Variants in STOX1 observed in about 807,000 individuals in gnomAD.
The protein encoded by STOX1 is storkhead-box protein 1.
STOX1 carries 57 observed loss-of-function variants against 74.8 expected under a neutral mutation model. The ratio of observed to expected loss-of-function variants is 0.76; its 90% CI spans 0.62 to 0.95. The LOEUF is 0.95. Among genes scored for constraint, STOX1 ranks in the 40% least tolerant of loss-of-function variants. The pLI, the probability that STOX1 is intolerant of heterozygous loss-of-function variation, is 0.00. For missense variants in STOX1, 1,010 were observed against 1,117.0 expected (o/e 0.90, Z 1.37); for synonymous variants, 375 against 401.3 (o/e 0.93, Z 0.78).
intron 1 of STOX1, among the ~76,000 whole-genome samples, chr10:68,866,113 G>C (rs972595099): frequency 6.6e-6 from 1 of 151,948 alleles, no homozygotes; most frequent in Non-Finnish European, 1.5e-5. Context: ...AATTGCTCAG[G>C]AATTAAAACT....
chr10:68,843,195 C>T (rs1217822642), intron 1 of STOX1, among the ~76,000 whole-genome samples: 1 of 152,146 alleles, frequency 6.6e-6, no homozygotes, highest in Non-Finnish European at 1.5e-5. Context: ...TGGGCCACCA[C>T]ACCAGCTACT....
At chr10:68,860,931 G>A (rs117210468) in intron 1 of STOX1, among the ~76,000 whole-genome samples, 7,513 of 151,960 alleles carry the variant, frequency 0.049, 243 homozygotes, top group Middle Eastern at 0.1. Context: ...AGGATTGGCC[G>A]GGCGCGGTGG....
chr10:68,886,711 G>A (rs1052165896), intron 3 of STOX1, 93 bp downstream of exon 3: 30 of 1,118,454 alleles, frequency 2.7e-5, no homozygotes, highest in Non-Finnish European at 3.8e-5. Context: ...GGCAGATCAC[G>A]AGGTCAAGAG....
chr10:68,878,878 G>T (rs1235573470), intron 1 of STOX1, among the ~76,000 whole-genome samples: 9 of 152,132 alleles, frequency 5.9e-5, no homozygotes, highest in Non-Finnish European at 1.0e-4. Context: ...GGCTATACTT[G>T]ACTCCCCATT....
In STOX1 at chr10:68,837,720, G is replaced by A. The variant is rs550872434; in HGVS notation, c.310+9787G>A. Among the ~76,000 whole-genome samples the A allele has an allele frequency of 5.3e-5, 8 of 152,284 alleles. No homozygotes were observed. The South Asian group carries it at 1.2e-3, about 24-fold the overall frequency. On this transcript the variant is annotated intron_variant, in intron 1 of 3. Coordinates refer to ENST00000298596, the MANE Select transcript of STOX1 (RefSeq NM_152709.5). Reference sequence around the variant, plus strand: ...CCTCAGGAGCCATGCAGGACACCTAGGATCTAATCCCTTGTCACTAAGCAG... The same window carrying A: ...CCTCAGGAGCCATGCAGGACACCTAAGATCTAATCCCTTGTCACTAAGCAG...
intron 1 of STOX1, among the ~76,000 whole-genome samples, chr10:68,872,817 G>A (rs900290427): frequency 1.3e-5 from 2 of 152,016 alleles, no homozygotes; most frequent in Non-Finnish European, 2.9e-5. Context: ...CAAGCATCCT[G>A]ATTTAAAATG....
chr10:68,883,509 G>T (rs983659761), intron 2 of STOX1, among the ~76,000 whole-genome samples: 7 of 151,940 alleles, frequency 4.6e-5, no homozygotes, highest in Non-Finnish European at 8.8e-5. Context: ...GCCTCCAAGG[G>T]TTCAAGCAAT....
At chr10:68,840,069 G>A (rs1453774742) in intron 1 of STOX1, among the ~76,000 whole-genome samples, 2 of 152,090 alleles carry the variant, frequency 1.3e-5, no homozygotes, top group East Asian at 1.9e-4. Context: ...TGAGGGTGCC[G>A]AGAACACACA....
rs757101211 is a variant in STOX1, at chr10:68,892,619, CATT to C, written c.2854_2856del (p.Ile952del). 2 of 1,613,534 alleles carry C rather than the reference CATT, an allele frequency of 1.2e-6. No individual in the cohort carries two copies. Among genetic ancestry groups the C allele is most frequent in the Non-Finnish European group, 1.7e-6 (2 of 1,179,584 alleles). On this transcript the variant is annotated inframe_deletion, in exon 4 of 4. Transcript: ENST00000298596. ...AGAGTCTGGGATCTAATAATTCAGTCATTTTGGATGGACTAAAAAGAAGACAGA... is the reference window on the plus strand; with the variant it reads ...AGAGTCTGGGATCTAATAATTCAGTCTTGGATGGACTAAAAAGAAGACAGA...
At chr10:68,848,767 T>C (rs1248031067) in intron 1 of STOX1, among the ~76,000 whole-genome samples, 2 of 152,022 alleles carry the variant, frequency 1.3e-5, no homozygotes, top group African/African-American at 2.4e-5. Flanking sequence ...TAGGCACGTG[T>C]GATTCTCCTG....
rs139740049 is a variant in STOX1 at position 68,878,960 on chromosome 10, C to A, written c.311-2998C>A. Among the ~76,000 whole-genome samples the A allele has an allele frequency of 2.7e-3, 404 of 152,300 alleles. 1 individual carries two copies. Among genetic ancestry groups the A allele is most frequent in the African/African-American group, 8.8e-3 (366 of 41,568 alleles). ...CTGTCATTAACACCCTAACCCTCTA[C>A]CAGTCCAAAGAGTAGTACTCAGACC... On this transcript the variant is annotated intron_variant, in intron 1 of 3. Coordinates refer to ENST00000298596, the MANE Select transcript of STOX1 (RefSeq NM_152709.5).
intron 1 of STOX1, among the ~76,000 whole-genome samples, chr10:68,871,013 A>G (rs1034748562): frequency 1.3e-5 from 2 of 152,252 alleles, no homozygotes; most frequent in African/African-American, 4.8e-5. Flanking sequence ...TGATTTTGAC[A>G]GCCATTGAAA....
At chr10:68,833,087 T>G (rs1008710010) in intron 1 of STOX1, among the ~76,000 whole-genome samples, 7 of 143,294 alleles carry the variant, frequency 4.9e-5, no homozygotes, top group South Asian at 4.7e-4. Context: ...TGGGTTTTTT[T>G]TTTTTTTTTT....
rs772682055 is a variant in STOX1 at position 68,835,201 on chromosome 10, G to A, written c.310+7268G>A. 4.7e-5 allele frequency among the ~76,000 whole-genome samples: 7 copies of A among 148,656 alleles called. No individual in the cohort carries two copies. In the East Asian group the frequency reaches 6.0e-4, roughly 13 times the overall value. On this transcript the variant is annotated intron_variant, in intron 1 of 3. Coordinates refer to ENST00000298596, the MANE Select transcript of STOX1 (RefSeq NM_152709.5). ...GGATTACAGGCGCCTGCCACCATGC[G>A]CGGCTAATTTTTGTATTTTTAATAG...
At chr10:68,844,330 C>A in intron 1 of STOX1, among the ~76,000 whole-genome samples, 1 of 126,792 alleles carries the variant, frequency 7.9e-6, no homozygotes, top group Non-Finnish European at 1.6e-5. Context: ...TAGAATGTCA[C>A]CCTTGTCACC....
intron 1 of STOX1, among the ~76,000 whole-genome samples, chr10:68,841,050 C>T (rs1205112211): frequency 1.3e-5 from 2 of 151,882 alleles, no homozygotes; most frequent in Non-Finnish European, 2.9e-5. Context: ...AGAGTTCAAG[C>T]GATTCTCCTG....
At chr10:68,869,784 A>G (rs533803215) in intron 1 of STOX1, among the ~76,000 whole-genome samples, 2 of 152,306 alleles carry the variant, frequency 1.3e-5, no homozygotes, top group South Asian at 4.1e-4. Context: ...TCACAATACC[A>G]CTGTGGCTCC....
intron 3 of STOX1, among the ~76,000 whole-genome samples, chr10:68,889,019 G>T (rs1841036837): frequency 6.6e-6 from 1 of 151,518 alleles, no homozygotes; most frequent in Non-Finnish European, 1.5e-5. Context: ...GTTGCAGTCT[G>T]TCACCAGCTG....
chr10:68,861,205 T>C (rs1840259665), intron 1 of STOX1, among the ~76,000 whole-genome samples: 2 of 152,106 alleles, frequency 1.3e-5, no homozygotes. Context: ...CCTTCAGAGC[T>C]GAGAGCCTCA....
Sources: allele counts gnomAD v4.1 joint callset (sites outside exome capture counted in the v4.1 genomes callset), GRCh38; gene constraint gnomAD v4.1.1; transcripts MANE v1.5; gene names NCBI Gene and HGNC (gene_info 2026-07-23, HGNC 2026-07-21).